Variants in ATF6B observed in about 807,000 individuals in gnomAD.
ATF6B encodes cyclic AMP-dependent transcription factor ATF-6 beta.
A neutral mutation model predicts 83.5 loss-of-function variants in ATF6B; 50 were observed. The ratio of observed to expected loss-of-function variants is 0.60; its 90% CI spans 0.48 to 0.76. The LOEUF is 0.76. ATF6B is among the 30% of genes least tolerant of loss of function. The probability of loss-of-function intolerance (pLI) is 0.00; values close to 1 mark genes in which losing one functional copy is unlikely to be tolerated. For missense variants in ATF6B, 790 were observed against 893.8 expected (o/e 0.88, Z 1.48); for synonymous variants, 344 against 362.8 (o/e 0.95, Z 0.59).
Position 32,116,141 on chromosome 6 carries a change from C to A in ATF6B, c.1883-173G>T, listed in dbSNP as rs1368599593. Reference sequence around the variant, plus strand: ...AGGATGGCAGGGACAGAGTTTGGTGCAGGGGCAAGGAGAGGGTAGGAAAAG... The same window carrying A: ...AGGATGGCAGGGACAGAGTTTGGTGAAGGGGCAAGGAGAGGGTAGGAAAAG... On this transcript the variant is annotated intron_variant, in intron 17 of 17. Transcript: ENST00000375203. The surrounding 1 kb of genome is among the most constrained non-coding windows in gnomAD (Gnocchi z 5.1). Among the ~76,000 whole-genome samples, 3 of 152,052 alleles carry A rather than the reference C, an allele frequency of 2.0e-5. No individual in the cohort carries two copies. The highest frequency in any genetic ancestry group is 7.3e-5 in the African/African-American group (3 of 41,358).
At position 32,115,585 on chromosome 6, in the gene ATF6B, T is replaced by C. The variant is rs1007001680; in HGVS notation, c.*154A>G. ...TTCTGAAAAGGGATGAGAAGAGAGG[T>C]GAACACCCCCACCTCAAATAAGTGC... On this transcript the variant is annotated 3_prime_UTR_variant, in exon 18 of 18. Coordinates refer to ENST00000375203, the MANE Select transcript of ATF6B (RefSeq NM_004381.5). 1.6e-6 allele frequency: 1 copy of C among 608,832 alleles called. No homozygotes were observed. Among genetic ancestry groups the C allele is most frequent in the African/African-American group, 1.9e-5 (1 of 53,876 alleles). 37.7% of individuals were successfully genotyped at this position (608,832 alleles called of 1,614,324 possible).
At chr6:32,126,046 C>A in intron 5 of ATF6B, 71 bp downstream of exon 5, 1 of 1,586,686 alleles carries the variant, frequency 6.3e-7, no homozygotes, top group South Asian at 1.2e-5. Flanking sequence ...TCCATCTACA[C>A]ACATACACAC....
chr6:32,126,368 T>G, intron 4 of ATF6B, 116 bp from the exon 5 acceptor site: 1 of 1,275,592 alleles, frequency 7.8e-7, no homozygotes, highest in Admixed American at 2.6e-5. Context: ...AAGCCATCAA[T>G]TATTTGACAT....
At chr6:32,122,837 C>T (rs892032404) in intron 5 of ATF6B, among the ~76,000 whole-genome samples, 1 of 142,806 alleles carries the variant, frequency 7.0e-6, no homozygotes, top group Non-Finnish European at 1.5e-5. Flanking sequence ...TAGAGCGAGA[C>T]TCTGTCTCAA....
chr6:32,128,211 T>TGCC lies in ATF6B; in HGVS notation c.-5_-4insGGC. ...TGAGCAGCATCAGCTCCGCCATCTT[T>TGCC]CCCCCCCACCCCCCAACCAGGAGAC... On this transcript the variant is annotated 5_prime_UTR_variant, in exon 1 of 18. Transcript: ENST00000375203. 15 of 1,536,518 alleles carry TGCC rather than the reference T, an allele frequency of 9.8e-6. No homozygotes were observed. Among genetic ancestry groups the TGCC allele is most frequent in the Non-Finnish European group, 1.2e-5 (14 of 1,131,166 alleles).
chr6:32,128,039 C>G (rs772219402), intron 1 of ATF6B, 78 bp downstream of exon 1: 43 of 1,555,412 alleles, frequency 2.8e-5, no homozygotes, highest in Non-Finnish European at 3.4e-5. Flanking sequence ...GCCCAGACTT[C>G]CTCTTTAGGC....
rs1430269559 is a variant in ATF6B, at chr6:32,117,604, G to T, written c.1515C>A (p.Asn505Lys). The change falls in exon 13 of 18, where the codon AAC becomes AAA. Residue 505 changes from asparagine to lysine, a missense_variant. Transcript: ENST00000375203. The surrounding 1 kb of genome is among the most constrained non-coding windows in gnomAD (Gnocchi z 5.0). ...TCCCACACCTCAGGGACTCAGTGCGGTTGAAGTGCCGGCAATCAGAGGAGA... is the reference window on the plus strand; with the variant it reads ...TCCCACACCTCAGGGACTCAGTGCGTTTGAAGTGCCGGCAATCAGAGGAGA... ...LFLSSDCRHF[N>K]RTESLRLADE... is the part of the protein sequence containing the mutation. The T allele has an allele frequency of 1.2e-6, 2 of 1,614,000 alleles. No homozygotes were observed. The highest frequency in any genetic ancestry group is 4.5e-5 in the East Asian group (2 of 44,888).
At chr6:32,122,915 C>CACT (rs1781821626) in intron 5 of ATF6B, among the ~76,000 whole-genome samples, 2 of 145,790 alleles carry the variant, frequency 1.4e-5, no homozygotes, top group Non-Finnish European at 1.5e-5. Context: ...CAGAGATAAC[C>CACT]ACTATCAGAA....
In ATF6B at chr6:32,119,005, C is replaced by T. The variant is rs754831377; in HGVS notation, c.1103G>A (p.Arg368His). ...QAVLADNQQL[R>H]RENAALRRRL... is the part of the protein sequence containing the mutation. The stretch of plus-strand genomic sequence containing the variant: ...CCGCCGGAGGGCAGCATTCTCTCGG[C>T]GGAGCTGCTGGTTGTCAGCCAGTAC... Residue 368 changes from arginine (R) to histidine (H), a missense_variant, in exon 10 of 18, where the codon CGC (arginine) becomes CAC (histidine). Transcript: ENST00000375203. This position sits in a 1 kb window ranked among gnomAD's most constrained non-coding sequence, Gnocchi z 4.9. The T allele has an allele frequency of 1.2e-6, 2 of 1,614,138 alleles. No individual in the cohort carries two copies. Among genetic ancestry groups the T allele is most frequent in the Non-Finnish European group, 1.7e-6 (2 of 1,179,996 alleles).
Position 32,119,747 on chromosome 6 carries a change from CCA to C in ATF6B, c.966+75_966+76del. ...CCTAGGTATCGACTCCCTCCTCATC[CCA>C]CAGTTCTCTCTATGGCAAGACTTCC... is the stretch of plus-strand genomic sequence containing the variant. On this transcript the variant is annotated intron_variant, in intron 9 of 17. Coordinates refer to ENST00000375203, the MANE Select transcript of ATF6B (RefSeq NM_004381.5). The surrounding 1 kb of genome is among the most constrained non-coding windows in gnomAD (Gnocchi z 4.9). 1 of 1,569,136 alleles carries C rather than the reference CCA, an allele frequency of 6.4e-7. No homozygotes were observed. The highest frequency in any genetic ancestry group is 2.3e-5 in the East Asian group (1 of 44,046).
At position 32,118,905 on chromosome 6, in the gene ATF6B, T is replaced by C; in HGVS notation, c.1153-39A>G. ...AAGGAGACAAGAAAAAGGGGAATCA[T>C]TCCAAGGAGGCTGTATTCCTGTTGG... On this transcript the variant is annotated intron_variant, in intron 10 of 17. Transcript: ENST00000375203. This position sits in a 1 kb window ranked among gnomAD's most constrained non-coding sequence, Gnocchi z 5.2. 6.2e-7 allele frequency: 1 copy of C among 1,614,142 alleles called. No individual in the cohort carries two copies. Among genetic ancestry groups the C allele is most frequent in the Non-Finnish European group, 8.5e-7 (1 of 1,180,002 alleles).
Position 32,116,644 on chromosome 6 carries a change from A to G in ATF6B, c.1797+60T>C. 8 of 1,605,724 alleles carry G rather than the reference A, an allele frequency of 5.0e-6. No individual in the cohort carries two copies. The highest frequency in any genetic ancestry group is 6.8e-6 in the Non-Finnish European group (8 of 1,172,642). The stretch of plus-strand genomic sequence containing the variant: ...CCCCAGCCCTACTCTACATCCCCCC[A>G]CTGAAGACAGACTGCTGGGAACCTG... On this transcript the variant is annotated intron_variant, in intron 16 of 17. Coordinates refer to ENST00000375203, the MANE Select transcript of ATF6B (RefSeq NM_004381.5). This position sits in a 1 kb window ranked among gnomAD's most constrained non-coding sequence, Gnocchi z 5.1.
rs1326443650 is a variant in ATF6B, at chr6:32,115,594, C to T, written c.*145G>A. On this transcript the variant is annotated 3_prime_UTR_variant, in exon 18 of 18. Transcript: ENST00000375203. ...GGGATGAGAAGAGAGGTGAACACCC[C>T]CACCTCAAATAAGTGCTTAACCCCC... The T allele has an allele frequency of 4.6e-6, 3 of 649,906 alleles. No homozygotes were observed. The East Asian group carries it at 8.4e-5, about 18-fold the overall frequency. 40.3% of individuals were successfully genotyped at this position (649,906 alleles called of 1,614,324 possible).
In ATF6B at chr6:32,127,106, G is replaced by A. The variant is rs1053955972; in HGVS notation, c.339C>T (p.Ser113=). The A allele has an allele frequency of 1.3e-6, 2 of 1,596,342 alleles. No homozygotes were observed. The highest frequency in any genetic ancestry group is 1.7e-6 in the Non-Finnish European group (2 of 1,171,546). Reference sequence around the variant, plus strand: ...AAGAGGGATATGGCTCTCTCACCTCGCTGGATGGCTCTGTGGAGAGACGCG... The same window carrying A: ...AAGAGGGATATGGCTCTCTCACCTCACTGGATGGCTCTGTGGAGAGACGCG... ...ESSRLSTEPS[S]EALGVGEVLH... Residue 113 remains serine, a synonymous_variant, in exon 4 of 18, where the codon AGC becomes AGT. Coordinates refer to ENST00000375203, the MANE Select transcript of ATF6B (RefSeq NM_004381.5).
rs145503968 is a variant in ATF6B at position 32,116,243 on chromosome 6, G to A, written c.1882+237C>T. ...GTAAGTGAGAGTCTAGCAGGTTCCC[G>A]GCCCCCCGCCTCTGCCCAGTCATCT... is the stretch of plus-strand genomic sequence containing the variant. On this transcript the variant is annotated intron_variant, in intron 17 of 17. Transcript: ENST00000375203. This position sits in a 1 kb window ranked among gnomAD's most constrained non-coding sequence, Gnocchi z 5.1. Among the ~76,000 whole-genome samples the A allele has an allele frequency of 9.8e-3, 1,498 of 152,200 alleles. 54 individuals are homozygous for A. Among genetic ancestry groups the A allele is most frequent in the Middle Eastern group, 0.017 (5 of 294 alleles).
In ATF6B at chr6:32,127,721, C is replaced by CT; in HGVS notation, c.120dup (p.Val41SerfsTer19). 1 of 1,614,176 alleles carries CT rather than the reference C, an allele frequency of 6.2e-7. No individual in the cohort carries two copies. The highest frequency in any genetic ancestry group is 8.5e-7 in the Non-Finnish European group (1 of 1,180,026). On this transcript the variant is annotated frameshift_variant, in exon 2 of 18. Transcript: ENST00000375203. LOFTEE classifies it high-confidence loss of function. ...AAGAGCTGCGTCTGCTCCTCGGCCACTTCATCTAGGCCAGAATACAAGGTG... is the reference window on the plus strand; with the variant it reads ...AAGAGCTGCGTCTGCTCCTCGGCCACTTTCATCTAGGCCAGAATACAAGGTG...
intron 5 of ATF6B, among the ~76,000 whole-genome samples, chr6:32,124,249 T>G (rs1781877063): frequency 6.6e-6 from 1 of 152,140 alleles, no homozygotes; most frequent in African/African-American, 2.4e-5. Context: ...ATTCATCATC[T>G]TCCCTGACCA....
Position 32,118,710 on chromosome 6 carries a change from G to A in ATF6B, c.1244+65C>T. On this transcript the variant is annotated intron_variant, in intron 11 of 17. Transcript: ENST00000375203. The surrounding 1 kb of genome is among the most constrained non-coding windows in gnomAD (Gnocchi z 5.2). ...GAAGGAAATGGCCTGGGCCAAAGCA[G>A]GCAGCTAGGAGGCTGTAACGTGGGC... 6.5e-7 allele frequency: 1 copy of A among 1,528,290 alleles called. No homozygotes were observed. Among genetic ancestry groups the A allele is most frequent in the Non-Finnish European group, 9.1e-7 (1 of 1,104,654 alleles). The allele number at this position is 1,528,290 out of a possible 1,614,324, so 94.7% of individuals were successfully genotyped here. A position where few individuals can be genotyped will look rare whatever the true frequency, so the allele number is the denominator to read the frequency against.
chr6:32,122,446 A>C (rs1032928322), intron 5 of ATF6B, among the ~76,000 whole-genome samples: 5 of 152,230 alleles, frequency 3.3e-5, no homozygotes, highest in Admixed American at 3.3e-4. Flanking sequence ...TCACTTTGGT[A>C]CTTAATTATA....
Sources: gnomAD v4.1 joint callset for allele counts (sites outside exome capture counted in the v4.1 genomes callset) on GRCh38, gnomAD v4.1.1 for gene constraint, Gnocchi (gnomAD v3.1) non-coding constraint, MANE v1.5 for transcripts, NCBI Gene and HGNC (gene_info 2026-07-23, HGNC 2026-07-21) for gene names.